Variants in CSMD3 observed in about 807,000 individuals in gnomAD.
The protein encoded by CSMD3 is CUB and Sushi multiple domains 3, also known as CUB and sushi domain-containing protein 3.
A neutral mutation model predicts 435.2 loss-of-function variants in CSMD3; 177 were observed. The observed-to-expected ratio is 0.41, with a 90% CI of 0.36 to 0.46. The LOEUF (loss-of-function observed/expected upper bound fraction) is 0.46. Ranked by LOEUF, CSMD3 falls within the 20% of genes least tolerant of loss-of-function variation. The pLI, the probability that CSMD3 is intolerant of heterozygous loss-of-function variation, is 0.34. For missense variants in CSMD3, 4,265 were observed against 4,504.6 expected, an observed-to-expected ratio of 0.95 and a Z score of 1.52; for synonymous variants, 1,656 against 1,520.5, an observed-to-expected ratio of 1.09 and a Z score of -2.07.
At chr8:112,520,138 A>G (rs947232413) in intron 27 of CSMD3, among the ~76,000 whole-genome samples, 8 of 152,098 alleles carry the variant, frequency 5.3e-5, no homozygotes, top group African/African-American at 1.9e-4. Context: ...CAAATTGAAT[A>G]AAGACCAGCT....
intron 5 of CSMD3, among the ~76,000 whole-genome samples, chr8:113,059,508 C>T (rs1283098306): frequency 6.6e-6 from 1 of 152,110 alleles, no homozygotes; most frequent in Non-Finnish European, 1.5e-5. Flanking sequence ...GAATCAGATA[C>T]AAATTTTCCA....
rs557532193 is a variant in CSMD3, at chr8:113,067,571, G to C, written c.917+31185C>G. On this transcript the variant is annotated intron_variant, in intron 5 of 70. Transcript: ENST00000297405. ...AATAGCAAAAACTGCAATAACTTTT[G>C]TACCAACTTAATATGTCAAGTATGC... is the stretch of plus-strand genomic sequence containing the variant. Among the ~76,000 whole-genome samples, 16 of 152,142 alleles carry C rather than the reference G, an allele frequency of 1.1e-4. No individual in the cohort carries two copies. In the South Asian group the frequency reaches 3.1e-3, roughly 30 times the overall value.
At chr8:112,906,272 A>C (rs950137499) in intron 10 of CSMD3, among the ~76,000 whole-genome samples, 1 of 151,330 alleles carries the variant, frequency 6.6e-6, no homozygotes, top group Non-Finnish European at 1.5e-5. Context: ...AATCCTATGA[A>C]GTATTCATGG....
At chr8:113,255,970 C>T (rs1393181790) in intron 3 of CSMD3, among the ~76,000 whole-genome samples, 1 of 151,814 alleles carries the variant, frequency 6.6e-6, no homozygotes. Flanking sequence ...TTTAAGCCTC[C>T]AATTCTTTGT....
intron 1 of CSMD3, among the ~76,000 whole-genome samples, chr8:113,320,171 T>C (rs1015690742): frequency 3.3e-5 from 5 of 152,060 alleles, no homozygotes; most frequent in Non-Finnish European, 4.4e-5. Context: ...GTATGATGTA[T>C]ATGGAAAACT....
At chr8:112,497,691 AT>A (rs1821499835) in intron 30 of CSMD3, among the ~76,000 whole-genome samples, 1 of 151,952 alleles carries the variant, frequency 6.6e-6, no homozygotes, top group Admixed American at 6.6e-5. Flanking sequence ...GGGTGTGCAT[AT>A]TTTTATATTG....
Position 112,336,814 on chromosome 8 carries a change from T to C in CSMD3, c.6857A>G (p.Asn2286Ser). Residue 2286 changes from asparagine (N) to serine (S), a missense_variant, in exon 44 of 71, where the codon AAT becomes AGT. By Grantham distance (46) the Asn-to-Ser change is conservative. This residue lies in a region of CSMD3 where 3,255 missense variants were observed against 3,380.2 expected (regional missense o/e 0.96). Coordinates refer to ENST00000297405, the MANE Select transcript of CSMD3 (RefSeq NM_198123.2). ...AATGGTGCCATTCATTGCAGTTATATTCCCACCACAAAGAGCTACGGAAAA... is the reference window on the plus strand; with the variant it reads ...AATGGTGCCATTCATTGCAGTTATACTCCCACCACAAAGAGCTACGGAAAA... ...LPRCEALCGG[N>S]ITAMNGTIYS... is the part of the protein sequence containing the mutation. 2 of 1,612,850 alleles carry C rather than the reference T, an allele frequency of 1.2e-6. No individual in the cohort carries two copies. The highest frequency in any genetic ancestry group is 1.7e-6 in the Non-Finnish European group (2 of 1,178,998).
chr8:112,710,322 T>A (rs968010528), intron 13 of CSMD3, among the ~76,000 whole-genome samples: 1 of 152,170 alleles, frequency 6.6e-6, no homozygotes, highest in African/African-American at 2.4e-5. Context: ...TGAGGTTGTA[T>A]CTGCTTGGCT....
At chr8:112,248,544 C>T (rs1182644406) in intron 63 of CSMD3, among the ~76,000 whole-genome samples, 1 of 152,098 alleles carries the variant, frequency 6.6e-6, no homozygotes, top group Non-Finnish European at 1.5e-5. Flanking sequence ...CCACTTTGTA[C>T]TTCTCCAGCA....
chr8:112,475,604 G>A (rs889127608), intron 31 of CSMD3, among the ~76,000 whole-genome samples: 1 of 151,976 alleles, frequency 6.6e-6, no homozygotes, highest in Non-Finnish European at 1.5e-5. Context: ...TTTTACCTTA[G>A]GTTGGTGCAA....
At chr8:112,253,880 C>G (rs1355510427) in intron 63 of CSMD3, among the ~76,000 whole-genome samples, 1 of 151,908 alleles carries the variant, frequency 6.6e-6, no homozygotes, top group East Asian at 1.9e-4. Flanking sequence ...TCAGAAGTCT[C>G]TCCTTTAAAC....
At chr8:112,484,619 G>T (rs11993670) in intron 31 of CSMD3, among the ~76,000 whole-genome samples, 2 of 151,796 alleles carry the variant, frequency 1.3e-5, no homozygotes, top group Non-Finnish European at 1.5e-5. Flanking sequence ...GCACATCTTC[G>T]TACAATGAGA....
intron 29 of CSMD3, among the ~76,000 whole-genome samples, chr8:112,504,914 A>G (rs1391126590): frequency 6.6e-6 from 1 of 152,162 alleles, no homozygotes; most frequent in Non-Finnish European, 1.5e-5. Flanking sequence ...GAAACCAGTA[A>G]AACTTGCCAT....
intron 63 of CSMD3, among the ~76,000 whole-genome samples, chr8:112,248,069 T>G (rs1191019041): frequency 1.3e-5 from 2 of 152,058 alleles, no homozygotes; most frequent in Non-Finnish European, 2.9e-5. Context: ...ACCAGAGTAA[T>G]GTACATGTAG....
At chr8:112,386,976 C>T (rs1313186436) in intron 36 of CSMD3, among the ~76,000 whole-genome samples, 18 of 152,146 alleles carry the variant, frequency 1.2e-4, no homozygotes, top group Admixed American at 9.2e-4. Flanking sequence ...TATATAAAAT[C>T]ACGATAATCA....
At chr8:112,283,137 T>C (rs191235045) in intron 58 of CSMD3, among the ~76,000 whole-genome samples, 53 of 152,142 alleles carry the variant, frequency 3.5e-4, no homozygotes, top group Non-Finnish European at 6.8e-4. Flanking sequence ...CAAAGCTAGT[T>C]AATAGCAGAT....
intron 13 of CSMD3, among the ~76,000 whole-genome samples, chr8:112,706,196 G>T (rs1019548858): frequency 1.3e-5 from 2 of 151,762 alleles, no homozygotes; most frequent in Admixed American, 6.6e-5. Flanking sequence ...GACCTTTCTT[G>T]TTCACACATT....
At chr8:112,895,985 T>C (rs1367295496) in intron 10 of CSMD3, among the ~76,000 whole-genome samples, 1 of 151,538 alleles carries the variant, frequency 6.6e-6, no homozygotes, top group African/African-American at 2.4e-5. Flanking sequence ...AATGAAATCA[T>C]CTTTCAGTGA....
intron 3 of CSMD3, among the ~76,000 whole-genome samples, chr8:113,242,175 G>A (rs1427612766): frequency 1.3e-5 from 2 of 151,722 alleles, no homozygotes; most frequent in African/African-American, 2.4e-5. Context: ...ACAAAAAATT[G>A]TATGGTACTT....
Sources: allele counts gnomAD v4.1 joint callset (sites outside exome capture counted in the v4.1 genomes callset), GRCh38; gene constraint gnomAD v4.1.1; regional missense constraint gnomAD v4.1.1; transcripts MANE v1.5; gene names NCBI Gene and HGNC (gene_info 2026-07-23, HGNC 2026-07-21).